Variants in GRID2IP observed in about 807,000 individuals in gnomAD.
GRID2IP encodes delphilin.
Under a neutral mutation model 114.3 loss-of-function variants are expected in GRID2IP, and 78 were observed. The observed-to-expected ratio is 0.68, with a 90% CI of 0.57 to 0.82. The LOEUF (loss-of-function observed/expected upper bound fraction) is 0.82, where lower values mean the gene tolerates loss of function less well. Among genes scored for constraint, GRID2IP ranks in the 40% least tolerant of loss-of-function variants. The pLI, the probability that GRID2IP is intolerant of heterozygous loss-of-function variation, is 0.00. For synonymous variants in GRID2IP, 809 were observed against 724.0 expected, an observed-to-expected ratio of 1.12 and a Z score of -1.89; for missense variants, 1,727 against 1,678.5, an observed-to-expected ratio of 1.03 and a Z score of -0.51.
intron 1 of GRID2IP, among the ~76,000 whole-genome samples, chr7:6,545,413 C>T (rs1042394587): frequency 2.0e-5 from 3 of 152,190 alleles, no homozygotes; most frequent in Non-Finnish European, 4.4e-5. Flanking sequence ...CACTATTGCA[C>T]TTGAGGCTCT....
Position 6,516,328 on chromosome 7 carries a change from ATAT to A in GRID2IP, c.1269-1802_1269-1800del, listed in dbSNP as rs777817994. On this transcript the variant is annotated intron_variant, in intron 7 of 21. Transcript: ENST00000457091. The surrounding 1 kb of genome is among the most constrained non-coding windows in gnomAD (Gnocchi z 4.3). ...AAATAGATTATAGATATGTATATGA[ATAT>A]TATTAATAATTAGTTTGTAGCATTA... 5.7e-4 allele frequency among the ~76,000 whole-genome samples: 87 copies of A among 152,180 alleles called. No homozygotes were observed. The highest frequency in any genetic ancestry group is 2.3e-3 in the Admixed American group (35 of 15,276).
In GRID2IP at chr7:6,528,801, G is replaced by A. The variant is rs1779563513; in HGVS notation, c.585-2032C>T. Among the ~76,000 whole-genome samples, 2 of 152,048 alleles carry A rather than the reference G, an allele frequency of 1.3e-5. No homozygotes were observed. The highest frequency in any genetic ancestry group is 2.4e-5 in the African/African-American group (1 of 41,382). On this transcript the variant is annotated intron_variant, in intron 2 of 21. Coordinates refer to ENST00000457091, the MANE Select transcript of GRID2IP (RefSeq NM_001145118.2). This position sits in a 1 kb window ranked among gnomAD's most constrained non-coding sequence, Gnocchi z 6.0. ...CTCCGCTCCAGGTCTCGATGGTCCGGGGGGTAACCAGGAACCAGGATGAAT... is the reference window on the plus strand; with the variant it reads ...CTCCGCTCCAGGTCTCGATGGTCCGAGGGGTAACCAGGAACCAGGATGAAT...
Position 6,506,025 on chromosome 7 carries a change from T to G in GRID2IP, c.2545-118A>C. 1 of 675,212 alleles carries G rather than the reference T, an allele frequency of 1.5e-6. No individual in the cohort carries two copies. Among genetic ancestry groups the G allele is most frequent in the South Asian group, 1.8e-5 (1 of 55,802 alleles). 41.8% of individuals were successfully genotyped at this position (675,212 alleles called of 1,614,324 possible). ...TTCCCGAGCAAAAGCACCCATCAGG[T>G]GCTGGGATAAAGCCCGGAGCAGGAG... On this transcript the variant is annotated intron_variant, in intron 13 of 21. Coordinates refer to ENST00000457091, the MANE Select transcript of GRID2IP (RefSeq NM_001145118.2). This position sits in a 1 kb window ranked among gnomAD's most constrained non-coding sequence, Gnocchi z 5.2.
chr7:6,501,686 A>G, intron 20 of GRID2IP, 95 bp downstream of exon 20: 2 of 833,714 alleles, frequency 2.4e-6, no homozygotes. Flanking sequence ...CTCTGCTGGA[A>G]GTCGAGGTCT....
At chr7:6,514,163 G>A (rs1779244426) in intron 8 of GRID2IP, among the ~76,000 whole-genome samples, 1 of 152,112 alleles carries the variant, frequency 6.6e-6, no homozygotes, top group Non-Finnish European at 1.5e-5. Flanking sequence ...TGACGCAGGA[G>A]AATCGCTTGA....
At chr7:6,544,505 C>G (rs1779857513) in intron 1 of GRID2IP, among the ~76,000 whole-genome samples, 1 of 151,838 alleles carries the variant, frequency 6.6e-6, no homozygotes, top group Non-Finnish European at 1.5e-5. Context: ...GTCTCGAGCT[C>G]CTGACCTCAG....
At chr7:6,524,769 T>A (rs1307683314) in intron 4 of GRID2IP, among the ~76,000 whole-genome samples, 1 of 151,376 alleles carries the variant, frequency 6.6e-6, no homozygotes, top group African/African-American at 2.4e-5. Flanking sequence ...CAGGCTGGAG[T>A]GCAATGGCAT....
In GRID2IP at chr7:6,497,538, A is replaced by G. The variant is rs1436917046; in HGVS notation, c.*236T>C. 2 of 440,668 alleles carry G rather than the reference A, an allele frequency of 4.5e-6. No homozygotes were observed. The highest frequency in any genetic ancestry group is 8.1e-6 in the Non-Finnish European group (2 of 247,198). 27.3% of individuals were successfully genotyped at this position (440,668 alleles called of 1,614,324 possible). On this transcript the variant is annotated 3_prime_UTR_variant, in exon 22 of 22. Transcript: ENST00000457091. ...AGAAGCCGACAGAGCACGGTCCTCC[A>G]TGTGCAGGCACACTCAGCACCTGCT... is the stretch of plus-strand genomic sequence containing the variant.
At position 6,507,053 on chromosome 7, in the gene GRID2IP, A is replaced by T. The variant is rs1786613886; in HGVS notation, c.2544+932T>A. Among the ~76,000 whole-genome samples, 1 of 152,018 alleles carries T rather than the reference A, an allele frequency of 6.6e-6. No individual in the cohort carries two copies. Among genetic ancestry groups the T allele is most frequent in the African/African-American group, 2.4e-5 (1 of 41,380 alleles). ...GTGGGCTGAGAAAGCAGGAGACAGA[A>T]TTGGGACCCAGGAGATGGCAGTGGG... On this transcript the variant is annotated intron_variant, in intron 13 of 21. Transcript: ENST00000457091. This position sits in a 1 kb window ranked among gnomAD's most constrained non-coding sequence, Gnocchi z 5.3.
chr7:6,503,435 G>A (rs1786474593), intron 16 of GRID2IP, 56 bp downstream of exon 16: 1 of 1,432,794 alleles, frequency 7.0e-7, no homozygotes, highest in East Asian at 2.6e-5. Context: ...CCTGGCCACA[G>A]CGACAGCCCC....
rs1779459301 is a variant in GRID2IP, at chr7:6,523,937, G to A, written c.920-1980C>T. On this transcript the variant is annotated intron_variant, in intron 4 of 21. Transcript: ENST00000457091. The surrounding 1 kb of genome is among the most constrained non-coding windows in gnomAD (Gnocchi z 4.5). ...GGTTGGAACAGCCACATCCACAGAG[G>A]AGAGATTAATCACTTCTAGAGGAAG... Among the ~76,000 whole-genome samples the A allele has an allele frequency of 6.6e-6, 1 of 152,220 alleles. No homozygotes were observed. Among genetic ancestry groups the A allele is most frequent in the South Asian group, 2.1e-4 (1 of 4,828 alleles).
In GRID2IP at chr7:6,509,228, C is replaced by T; in HGVS notation, c.1857G>A (p.Leu619=). 3 of 1,507,568 alleles carry T rather than the reference C, an allele frequency of 2.0e-6. No homozygotes were observed. Among genetic ancestry groups the T allele is most frequent in the Non-Finnish European group, 2.7e-6 (3 of 1,126,132 alleles). 93.4% of individuals were successfully genotyped at this position (1,507,568 alleles called of 1,614,324 possible). ...GGGACTCAGAGCTGCTGGGGGAGGCCAGACCCCCCGAACACAGCGGGTGGT... is the reference window on the plus strand; with the variant it reads ...GGGACTCAGAGCTGCTGGGGGAGGCTAGACCCCCCGAACACAGCGGGTGGT... ...PCYHPLCSGG[L]ASPSSSESHP... The change falls in exon 12 of 22, where the codon CTG becomes CTA. Residue 619 remains leucine (L), a synonymous_variant. Transcript: ENST00000457091. The surrounding 1 kb of genome is among the most constrained non-coding windows in gnomAD (Gnocchi z 4.9).
At chr7:6,505,704 G>A (rs9640023) in intron 14 of GRID2IP, 116 bp downstream of exon 14, 159,290 of 669,812 alleles carry the variant, frequency 0.24, 21,003 homozygotes, top group African/African-American at 0.42. Context: ...GGGACTGAAG[G>A]CTTGAGGACG....
At position 6,509,327 on chromosome 7, in the gene GRID2IP, G is replaced by A. The variant is rs1786696749; in HGVS notation, c.1772-14C>T. On this transcript the variant is annotated splice_polypyrimidine_tract_variant and intron_variant, in intron 11 of 21. Transcript: ENST00000457091. This position sits in a 1 kb window ranked among gnomAD's most constrained non-coding sequence, Gnocchi z 4.9. Reference sequence around the variant, plus strand: ...GGGTCCTGGGCCCTGGAGGAGGGATGGAGTATGAGGATTCCTCTTCAGCCA... The same window carrying A: ...GGGTCCTGGGCCCTGGAGGAGGGATAGAGTATGAGGATTCCTCTTCAGCCA... The A allele has an allele frequency of 2.0e-6, 3 of 1,477,318 alleles. No individual in the cohort carries two copies. Among genetic ancestry groups the A allele is most frequent in the Non-Finnish European group, 2.7e-6 (3 of 1,111,782 alleles). The allele number at this position is 1,477,318 out of a possible 1,614,324, so 91.5% of individuals were successfully genotyped here. A position where few individuals can be genotyped will look rare whatever the true frequency, so the allele number is the denominator to read the frequency against.
chr7:6,538,364 T>TCAAAACAAAA (rs57880924), intron 2 of GRID2IP, among the ~76,000 whole-genome samples: 76 of 144,142 alleles, frequency 5.3e-4, no homozygotes, highest in South Asian at 1.8e-3. Flanking sequence ...AGACCCTGTC[T>TCAAAACAAAA]CAAAACAAAA....
At chr7:6,503,247 G>GGGGC in intron 16 of GRID2IP, 84 bp from the exon 17 acceptor site, 3 of 504,196 alleles carry the variant, frequency 6.0e-6, no homozygotes, top group Non-Finnish European at 1.1e-5. Context: ...GGGAGGGGGG[G>GGGGC]ATCTGCTGGC....
Position 6,526,906 on chromosome 7 carries a change from A to G in GRID2IP, c.585-137T>C, listed in dbSNP as rs977531011. On this transcript the variant is annotated intron_variant, in intron 2 of 21. Transcript: ENST00000457091. The surrounding 1 kb of genome is among the most constrained non-coding windows in gnomAD (Gnocchi z 7.6). ...CTAGGAGTGGCGGAGGGCTGGGGGG[A>G]TCGGGATGAGCAGCCGGTAGCACCC... 5.8e-6 allele frequency: 6 copies of G among 1,033,004 alleles called. No homozygotes were observed. Among genetic ancestry groups the G allele is most frequent in the Non-Finnish European group, 7.8e-6 (6 of 772,718 alleles). The allele number at this position is 1,033,004 out of a possible 1,614,324, so 64.0% of individuals were successfully genotyped here. A position where few individuals can be genotyped will look rare whatever the true frequency, so the allele number is the denominator to read the frequency against.
intron 17 of GRID2IP, 52 bp downstream of exon 17, chr7:6,502,955 GC>G: frequency 1.3e-6 from 2 of 1,546,938 alleles, no homozygotes; most frequent in Non-Finnish European, 1.8e-6. Flanking sequence ...CAGGCTGGAA[GC>G]CCCAGGAGGC....
intron 2 of GRID2IP, among the ~76,000 whole-genome samples, chr7:6,529,961 CT>C (rs71008398): frequency 0.1 from 11,165 of 111,708 alleles, 600 homozygotes; most frequent in Middle Eastern, 0.16. Flanking sequence ...CTCTCTCTCT[CT>C]TTTTTTTTTT....
Sources: allele counts gnomAD v4.1 joint callset (sites outside exome capture counted in the v4.1 genomes callset), GRCh38; gene constraint gnomAD v4.1.1; non-coding constraint Gnocchi (gnomAD v3.1); transcripts MANE v1.5; gene names NCBI Gene and HGNC (gene_info 2026-07-23, HGNC 2026-07-21).